The following DGCR2 variants were observed in gnomAD, a reference collection of about 807,000 sequenced individuals.
DGCR2 encodes the protein integral membrane protein DGCR2/IDD.
In DGCR2, 24 loss-of-function variants were observed where a neutral mutation model predicts 51.6. That is an observed-to-expected ratio of 0.47 (90% CI 0.34 to 0.65). DGCR2 has a LOEUF of 0.65. DGCR2 is among the 30% of genes least tolerant of loss of function. The pLI is 0.01. For synonymous variants in DGCR2, 340 were observed against 315.4 expected (o/e 1.08, Z -0.82); for missense variants, 765 against 772.1 (o/e 0.99, Z 0.11).
At chr22:19,039,360 G>C (rs1177399562) in intron 9 of DGCR2, among the ~76,000 whole-genome samples, 1 of 152,166 alleles carries the variant, frequency 6.6e-6, no homozygotes, top group Non-Finnish European at 1.5e-5. Context: ...GCAAGGTGCA[G>C]GGCCCATCTC....
chr22:19,043,005 C>T (rs1366718676), intron 7 of DGCR2, among the ~76,000 whole-genome samples: 1 of 152,188 alleles, frequency 6.6e-6, no homozygotes, highest in East Asian at 1.9e-4. Flanking sequence ...CCGGCTCAGC[C>T]ACACCCACAC....
At chr22:19,084,750 CGGGA>C (rs1193550659) in intron 2 of DGCR2, among the ~76,000 whole-genome samples, 9 of 149,212 alleles carry the variant, frequency 6.0e-5, no homozygotes, top group African/African-American at 2.2e-4. Context: ...CCGCCCCGTC[CGGGA>C]GGGAGGTGGG....
chr22:19,097,725 C>G (rs547966307), intron 1 of DGCR2, among the ~76,000 whole-genome samples: 1 of 152,320 alleles, frequency 6.6e-6, no homozygotes, highest in South Asian at 2.1e-4. Flanking sequence ...CCCAAACAGC[C>G]TTCCTCTTTG....
chr22:19,056,554 TAA>T (rs57447746), intron 6 of DGCR2: 362 of 248,476 alleles, frequency 1.5e-3, no homozygotes, highest in South Asian at 4.2e-3. Flanking sequence ...CTGGCTTTAA[TAA>T]AAAAAAAAAA....
intron 2 of DGCR2, among the ~76,000 whole-genome samples, 165 bp from the exon 3 acceptor site, chr22:19,068,390 C>A (rs554473965): frequency 6.6e-6 from 1 of 152,210 alleles, no homozygotes; most frequent in African/African-American, 2.4e-5. Flanking sequence ...CACTGCCGCT[C>A]GCATCAAATG....
intron 1 of DGCR2, among the ~76,000 whole-genome samples, chr22:19,118,027 C>T (rs2083391506): frequency 6.6e-6 from 1 of 152,178 alleles, no homozygotes; most frequent in Non-Finnish European, 1.5e-5. Context: ...AAAATATGCA[C>T]TCTCTCCCTA....
At chr22:19,114,635 G>C (rs544239505) in intron 1 of DGCR2, among the ~76,000 whole-genome samples, 19 of 152,332 alleles carry the variant, frequency 1.2e-4, no homozygotes, top group Non-Finnish European at 2.2e-4. Flanking sequence ...TTTCAATGGA[G>C]CATCTGGCCC....
At chr22:19,092,524 C>T (rs2083090074) in intron 1 of DGCR2, among the ~76,000 whole-genome samples, 1 of 151,824 alleles carries the variant, frequency 6.6e-6, no homozygotes, top group Non-Finnish European at 1.5e-5. Context: ...AAGTTCACTC[C>T]AAAATAAATA....
intron 2 of DGCR2, among the ~76,000 whole-genome samples, chr22:19,083,643 T>C (rs944035125): frequency 5.9e-5 from 9 of 152,070 alleles, no homozygotes; most frequent in African/African-American, 2.4e-5. Flanking sequence ...ACACATCTTT[T>C]GTTAATTCTC....
chr22:19,098,038 C>T lies in DGCR2; in HGVS notation c.80-8548G>A, dbSNP rs1438676805. On this transcript the variant is annotated intron_variant, in intron 1 of 9. Coordinates refer to ENST00000263196, the MANE Select transcript of DGCR2 (RefSeq NM_005137.3). ...AACCAGACAGCTCTGGCTAAAATAG[C>T]CCCCACACGGATTTTCTGTCCTTTT... Among the ~76,000 whole-genome samples, 3 of 152,152 alleles carry T rather than the reference C, an allele frequency of 2.0e-5. No individual in the cohort carries two copies. In the East Asian group the frequency reaches 5.8e-4, roughly 29 times the overall value.
chr22:19,113,601 G>C (rs755244979), intron 1 of DGCR2, among the ~76,000 whole-genome samples: 1 of 152,140 alleles, frequency 6.6e-6, no homozygotes, highest in Non-Finnish European at 1.5e-5. Flanking sequence ...GGGCAGGTAA[G>C]GTACAAGATG....
At chr22:19,063,033 AGG>A (rs2082701886) in intron 5 of DGCR2, among the ~76,000 whole-genome samples, 167 bp downstream of exon 5, 1 of 152,202 alleles carries the variant, frequency 6.6e-6, no homozygotes, top group Non-Finnish European at 1.5e-5. Context: ...CCTGATCTGC[AGG>A]CTGCACTGGC....
At chr22:19,105,044 C>T (rs1234647324) in intron 1 of DGCR2, among the ~76,000 whole-genome samples, 8 of 152,262 alleles carry the variant, frequency 5.3e-5, no homozygotes, top group Middle Eastern at 3.4e-3. Context: ...GACAGAGGGC[C>T]GGGCACGGTG....
At chr22:19,075,861 G>A (rs11912407) in intron 2 of DGCR2, among the ~76,000 whole-genome samples, 35,718 of 152,102 alleles carry the variant, frequency 0.23, 4,762 homozygotes, top group African/African-American at 0.37. Context: ...CCACCTTTTG[G>A]CTACTATGAG....
chr22:19,108,529 C>G (rs1382896680), intron 1 of DGCR2, among the ~76,000 whole-genome samples: 1 of 135,034 alleles, frequency 7.4e-6, no homozygotes, highest in East Asian at 2.3e-4. Flanking sequence ...GAGCTGTGAT[C>G]CCACCACTGT....
chr22:19,041,824 G>T lies in DGCR2; in HGVS notation c.1142C>A (p.Ser381Tyr). 1 of 1,612,452 alleles carries T rather than the reference G, an allele frequency of 6.2e-7. No homozygotes were observed. Among genetic ancestry groups the T allele is most frequent in the Non-Finnish European group, 8.5e-7 (1 of 1,179,838 alleles). ...LRQRRRERIESLIGANLHHFN... is the reference protein window; with the variant it reads ...LRQRRRERIEYLIGANLHHFN... ...GCACTTACAGTTTGCTCCAATCAGG[G>T]ACTCGATGCGCTCCCGGCGCCGCTG... is the stretch of plus-strand genomic sequence containing the variant. The change falls in exon 8 of 10, where the codon TCC becomes TAC. Residue 381 changes from serine (S) to tyrosine (Y), a missense_variant. This residue lies in a region of DGCR2 where 190 missense variants were observed against 265.2 expected (regional missense o/e 0.72). Coordinates refer to ENST00000263196, the MANE Select transcript of DGCR2 (RefSeq NM_005137.3).
intron 1 of DGCR2, among the ~76,000 whole-genome samples, chr22:19,120,976 A>G (rs1389222213): frequency 6.6e-6 from 1 of 152,218 alleles, no homozygotes; most frequent in East Asian, 1.9e-4. Flanking sequence ...GTCCAGGTTG[A>G]GCACCGGTCA....
At chr22:19,059,244 G>C (rs1468876485) in intron 5 of DGCR2, among the ~76,000 whole-genome samples, 2 of 152,272 alleles carry the variant, frequency 1.3e-5, no homozygotes, top group East Asian at 3.9e-4. Flanking sequence ...AGGAGCGGTG[G>C]GGCTGGGGCC....
intron 2 of DGCR2, among the ~76,000 whole-genome samples, chr22:19,077,100 T>C (rs531194272): frequency 1.3e-5 from 2 of 152,360 alleles, no homozygotes; most frequent in South Asian, 4.1e-4. Flanking sequence ...ATATTAACCC[T>C]TACCAGATAT....
Sources: gnomAD v4.1 joint callset for allele counts (sites outside exome capture counted in the v4.1 genomes callset) on GRCh38, gnomAD v4.1.1 for gene constraint, gnomAD v4.1.1 regional missense constraint, MANE v1.5 for transcripts, NCBI Gene and HGNC (gene_info 2026-07-23, HGNC 2026-07-21) for gene names.